Variants in CMSS1 observed in about 807,000 individuals in gnomAD.
The protein encoded by CMSS1 is cms1 ribosomal small subunit homolog.
Under a neutral mutation model 43.5 loss-of-function variants are expected in CMSS1, and 33 were observed. The ratio of observed to expected loss-of-function variants is 0.76; its 90% CI spans 0.57 to 1.01. The LOEUF is 1.01. CMSS1 is among the 50% of genes least tolerant of loss of function. The pLI, the probability that CMSS1 is intolerant of heterozygous loss-of-function variation, is 0.00. For synonymous variants in CMSS1, 115 were observed against 117.2 expected (o/e 0.98, Z 0.12); for missense variants, 313 against 326.4 (o/e 0.96, Z 0.32).
chr3:100,153,598 C>G (rs962454940), intron 2 of CMSS1, among the ~76,000 whole-genome samples: 5 of 133,646 alleles, frequency 3.7e-5, no homozygotes, highest in South Asian at 2.4e-4. Context: ...CCTGGTGTCT[C>G]TTCTTCTTAT....
intron 1 of CMSS1, among the ~76,000 whole-genome samples, chr3:99,983,827 G>C (rs768107284): frequency 6.6e-6 from 1 of 151,868 alleles, no homozygotes; most frequent in Non-Finnish European, 1.5e-5. Flanking sequence ...AAGCAAAGGA[G>C]AATGGACCAT....
In CMSS1 at chr3:100,087,190, G is replaced by C. The variant is rs138310460; in HGVS notation, c.65-59783G>C. Reference sequence around the variant, plus strand: ...CACGTACAGGTTTTAAGTGAATGTAGCTTTCTTGTGAGTGTTTCTCTAGGA... The same window carrying C: ...CACGTACAGGTTTTAAGTGAATGTACCTTTCTTGTGAGTGTTTCTCTAGGA... On this transcript the variant is annotated intron_variant, in intron 1 of 9. Coordinates refer to ENST00000421999, the MANE Select transcript of CMSS1 (RefSeq NM_032359.4). 2.8e-3 allele frequency among the ~76,000 whole-genome samples: 429 copies of C among 152,320 alleles called. 3 individuals are homozygous for C. Among genetic ancestry groups the C allele is most frequent in the African/African-American group, 9.7e-3 (405 of 41,566 alleles).
At chr3:100,133,392 A>G (rs961935741) in intron 1 of CMSS1, among the ~76,000 whole-genome samples, 2 of 152,140 alleles carry the variant, frequency 1.3e-5, no homozygotes, top group African/African-American at 4.8e-5. Flanking sequence ...AAAAGTAAAT[A>G]CCAAAATTAG....
At chr3:99,827,295 G>A (rs541397636) in intron 1 of CMSS1, among the ~76,000 whole-genome samples, 1 of 152,120 alleles carries the variant, frequency 6.6e-6, no homozygotes, top group East Asian at 1.9e-4. Context: ...AGACTCAAGC[G>A]ATTCTCGTGC....
intron 2 of CMSS1, among the ~76,000 whole-genome samples, chr3:100,155,617 G>A (rs2066964693): frequency 6.6e-6 from 1 of 152,056 alleles, no homozygotes; most frequent in Non-Finnish European, 1.5e-5. Flanking sequence ...CTCCTTTTTG[G>A]CTAAATCCCA....
chr3:100,095,696 A>T (rs1421146366), intron 1 of CMSS1, among the ~76,000 whole-genome samples: 1 of 152,214 alleles, frequency 6.6e-6, no homozygotes, highest in Non-Finnish European at 1.5e-5. Flanking sequence ...GAAACTTTTC[A>T]AGACATTGGT....
chr3:100,144,282 G>A (rs1313953466), intron 1 of CMSS1, among the ~76,000 whole-genome samples: 1 of 152,172 alleles, frequency 6.6e-6, no homozygotes, highest in African/African-American at 2.4e-5. Flanking sequence ...AACTATTAGT[G>A]TGGATTTGGC....
At position 99,850,041 on chromosome 3, in the gene CMSS1, C is replaced by T. The variant is rs559551588; in HGVS notation, c.64+31998C>T. 8 of 1,610,700 alleles carry T rather than the reference C, an allele frequency of 5.0e-6. No individual in the cohort carries two copies. The East Asian group carries it at 1.6e-4, about 31-fold the overall frequency. On this transcript the variant is annotated intron_variant, in intron 1 of 9. Coordinates refer to ENST00000421999, the MANE Select transcript of CMSS1 (RefSeq NM_032359.4). ...CTACATCGGTTTTGGACTTGAGCGC[C>T]CTTTTAGTTTCCTCAATTAACTTCT...
At chr3:99,851,049 T>C in intron 1 of CMSS1, 3 of 1,593,044 alleles carry the variant, frequency 1.9e-6, no homozygotes, top group Non-Finnish European at 2.6e-6. Context: ...ACTTGATTTC[T>C]TGATCAATTA....
At chr3:100,170,753 C>T (rs906282959) in intron 6 of CMSS1, among the ~76,000 whole-genome samples, 4 of 152,144 alleles carry the variant, frequency 2.6e-5, no homozygotes, top group African/African-American at 4.8e-5. Context: ...GCACCAGCGC[C>T]GTCTCAGCCC....
At chr3:99,833,296 T>C (rs758206932) in intron 1 of CMSS1, 1 of 1,568,204 alleles carries the variant, frequency 6.4e-7, no homozygotes, top group Middle Eastern at 1.7e-4. Flanking sequence ...AGTAAATTTG[T>C]GGAATATATT....
At chr3:100,128,686 A>T (rs1052894971) in intron 1 of CMSS1, among the ~76,000 whole-genome samples, 100 of 152,310 alleles carry the variant, frequency 6.6e-4, no homozygotes, top group African/African-American at 2.4e-3. Flanking sequence ...CAGAAGCAAC[A>T]GCTGATCTGA....
chr3:100,076,151 G>A (rs1421842902), intron 1 of CMSS1, among the ~76,000 whole-genome samples: 1 of 152,130 alleles, frequency 6.6e-6, no homozygotes, highest in Non-Finnish European at 1.5e-5. Flanking sequence ...ATCTTGCCCG[G>A]AAAACCCTTA....
At chr3:100,026,106 C>T (rs904010559) in intron 1 of CMSS1, among the ~76,000 whole-genome samples, 17 of 151,918 alleles carry the variant, frequency 1.1e-4, no homozygotes, top group East Asian at 1.9e-4. Flanking sequence ...CTTTTTACCA[C>T]GAGGCTGGAC....
rs201315535 is a variant in CMSS1 at position 100,139,529 on chromosome 3, ATGTGTGTGTGTG to A, written c.65-7418_65-7407del. 1.9e-3 allele frequency among the ~76,000 whole-genome samples: 240 copies of A among 129,354 alleles called. 1 individual carries two copies. Among genetic ancestry groups the A allele is most frequent in the South Asian group, 3.6e-3 (14 of 3,882 alleles). The allele number at this position is 129,354 out of a possible 152,430, so 84.9% of individuals were successfully genotyped here. ...AAACCCTGTATCTACTAAAAAAAAAATGTGTGTGTGTGTGTGTGTGTGTGTGTGTGTGTGTGT... is the reference window on the plus strand; with the variant it reads ...AAACCCTGTATCTACTAAAAAAAAAATGTGTGTGTGTGTGTGTGTGTGTGT... On this transcript the variant is annotated intron_variant, in intron 1 of 9. Coordinates refer to ENST00000421999, the MANE Select transcript of CMSS1 (RefSeq NM_032359.4).
At chr3:99,890,337 C>A (rs1183473105) in intron 1 of CMSS1, among the ~76,000 whole-genome samples, 1 of 151,944 alleles carries the variant, frequency 6.6e-6, no homozygotes, top group Non-Finnish European at 1.5e-5. Flanking sequence ...ATGCAGATTT[C>A]TTTTATTTTG....
At chr3:99,971,117 C>A (rs1479301031) in intron 1 of CMSS1, among the ~76,000 whole-genome samples, 1 of 152,154 alleles carries the variant, frequency 6.6e-6, no homozygotes, top group Non-Finnish European at 1.5e-5. Flanking sequence ...GCGGGCGGAT[C>A]ACTAGGTCAG....
chr3:100,143,677 T>C (rs1432864229), intron 1 of CMSS1, among the ~76,000 whole-genome samples: 1 of 152,210 alleles, frequency 6.6e-6, no homozygotes, highest in Non-Finnish European at 1.5e-5. Flanking sequence ...ATTTATCTAT[T>C]TCTCATTTTA....
intron 1 of CMSS1, among the ~76,000 whole-genome samples, chr3:100,126,954 C>G (rs924474243): frequency 1.3e-5 from 2 of 151,454 alleles, no homozygotes; most frequent in Non-Finnish European, 2.9e-5. Context: ...GCCGAGATCT[C>G]GCCACTGCAC....
Sources: allele counts gnomAD v4.1 joint callset (sites outside exome capture counted in the v4.1 genomes callset), GRCh38; gene constraint gnomAD v4.1.1; transcripts MANE v1.5; gene names NCBI Gene and HGNC (gene_info 2026-07-23, HGNC 2026-07-21).